FBXL17: variants seen among roughly 807,000 people sequenced by gnomAD.
FBXL17 encodes the protein F-box/LRR-repeat protein 17.
FBXL17 carries 22 observed loss-of-function variants against 66.2 expected under a neutral mutation model. That is an observed-to-expected ratio of 0.33 (90% CI 0.24 to 0.47). FBXL17 has a LOEUF of 0.47. Ranked by LOEUF, FBXL17 falls within the 20% of genes least tolerant of loss-of-function variation. The pLI is 1.00. For missense variants in FBXL17, 878 were observed against 948.2 expected, an observed-to-expected ratio of 0.93 and a Z score of 0.97; for synonymous variants, 474 against 400.5, an observed-to-expected ratio of 1.18 and a Z score of -2.19.
At chr5:108,193,920 T>C (rs775332435) in intron 5 of FBXL17, among the ~76,000 whole-genome samples, 8 of 152,148 alleles carry the variant, frequency 5.3e-5, no homozygotes, top group Non-Finnish European at 1.0e-4. Context: ...GACATTATTC[T>C]CCATTTTATT....
chr5:108,024,907 G>A (rs1199146091), intron 6 of FBXL17, among the ~76,000 whole-genome samples: 1 of 151,972 alleles, frequency 6.6e-6, no homozygotes, highest in East Asian at 1.9e-4. Context: ...TGTCTCCTTA[G>A]CAATAGATTC....
chr5:108,085,466 T>C (rs1748931959), intron 6 of FBXL17, among the ~76,000 whole-genome samples: 1 of 152,186 alleles, frequency 6.6e-6, no homozygotes, highest in African/African-American at 2.4e-5. Context: ...GCTCCAAGAA[T>C]AGATGGCTGA....
chr5:108,161,437 G>T (rs183616081), intron 6 of FBXL17, among the ~76,000 whole-genome samples: 44 of 152,308 alleles, frequency 2.9e-4, no homozygotes, highest in African/African-American at 1.0e-3. Flanking sequence ...AGCGAGCTGA[G>T]ATCGTGCCAC....
At chr5:108,017,929 C>A (rs576758744) in intron 7 of FBXL17, among the ~76,000 whole-genome samples, 1 of 152,186 alleles carries the variant, frequency 6.6e-6, no homozygotes, top group Non-Finnish European at 1.5e-5. Flanking sequence ...AACTCTGTAA[C>A]AGCCTGGCCA....
intron 7 of FBXL17, among the ~76,000 whole-genome samples, chr5:107,911,192 T>C (rs1030343966): frequency 2.0e-5 from 3 of 152,094 alleles, no homozygotes; most frequent in African/African-American, 7.2e-5. Context: ...GATGTCAAAA[T>C]AGACAACTAG....
intron 4 of FBXL17, among the ~76,000 whole-genome samples, chr5:108,237,578 G>C (rs1028093306): frequency 1.3e-5 from 2 of 152,150 alleles, no homozygotes; most frequent in Admixed American, 1.3e-4. Context: ...ATATCCCCTT[G>C]AGTTCCAACA....
At chr5:108,188,959 G>A (rs375667536) in intron 5 of FBXL17, among the ~76,000 whole-genome samples, 35 of 152,250 alleles carry the variant, frequency 2.3e-4, no homozygotes, top group African/African-American at 5.8e-4. Flanking sequence ...GGAACAAAGG[G>A]CTGATATGAA....
intron 7 of FBXL17, among the ~76,000 whole-genome samples, chr5:107,943,392 G>C (rs1946610): frequency 0.88 from 133,982 of 152,106 alleles, 59,389 homozygotes; most frequent in African/African-American, 0.93. Context: ...TTGAAGCCAT[G>C]ACCATCCACC....
chr5:108,257,919 A>T (rs1756644793), intron 4 of FBXL17, among the ~76,000 whole-genome samples: 2 of 152,162 alleles, frequency 1.3e-5, no homozygotes, highest in Admixed American at 1.3e-4. Flanking sequence ...TTATGTTTGC[A>T]TCAACCTGCA....
intron 6 of FBXL17, among the ~76,000 whole-genome samples, chr5:108,038,554 G>A (rs111943428): frequency 1.1e-3 from 174 of 152,026 alleles, no homozygotes; most frequent in African/African-American, 4.0e-3. Flanking sequence ...TCATTATCTT[G>A]TGGATTTAAC....
chr5:107,959,457 C>T (rs1751810011), intron 7 of FBXL17, among the ~76,000 whole-genome samples: 1 of 149,902 alleles, frequency 6.7e-6, no homozygotes, highest in Admixed American at 6.7e-5. Flanking sequence ...TATTTCTGTA[C>T]ATATGTTGTG....
chr5:108,381,134 C>A lies in FBXL17; in HGVS notation c.558G>T (p.Pro186=), dbSNP rs1181956471. 7.3e-7 allele frequency: 1 copy of A among 1,378,582 alleles called. No homozygotes were observed. The highest frequency in any genetic ancestry group is 3.1e-5 in the East Asian group (1 of 32,548). 85.4% of individuals were successfully genotyped at this position (1,378,582 alleles called of 1,614,324 possible). A position where few individuals can be genotyped will look rare whatever the true frequency, so the allele number is the denominator to read the frequency against. The stretch of plus-strand genomic sequence containing the variant: ...TTTCGGGGGGCGTAGGGAGCTCGGC[C>A]GGTGACGGTGTCGGCCCCCGGAAGA... ...VQLFRGPTPS[P]AELPTPPEMV... The change falls in exon 1 of 9, where the codon CCG becomes CCT. Residue 186 remains proline, a synonymous_variant. Transcript: ENST00000542267.
chr5:108,207,805 T>C (rs896066037), intron 5 of FBXL17, among the ~76,000 whole-genome samples: 2 of 152,316 alleles, frequency 1.3e-5, no homozygotes, highest in South Asian at 2.1e-4. Context: ...GTCTTTATAG[T>C]AGAATGATTT....
At chr5:108,207,131 A>G (rs1754154687) in intron 5 of FBXL17, among the ~76,000 whole-genome samples, 1 of 152,136 alleles carries the variant, frequency 6.6e-6, no homozygotes, top group African/African-American at 2.4e-5. Flanking sequence ...AAGTGATGTG[A>G]ATGTGGTCTC....
At chr5:107,949,453 A>C (rs547765686) in intron 7 of FBXL17, among the ~76,000 whole-genome samples, 7 of 152,338 alleles carry the variant, frequency 4.6e-5, no homozygotes. Flanking sequence ...AAATATTTGA[A>C]AAATCTTTTT....
At chr5:107,924,496 AG>A (rs923589901) in intron 7 of FBXL17, among the ~76,000 whole-genome samples, 1 of 152,230 alleles carries the variant, frequency 6.6e-6, no homozygotes, top group African/African-American at 2.4e-5. Flanking sequence ...ATTCAGAATA[AG>A]ATGGGTTAAA....
At chr5:107,937,248 G>A (rs1158091940) in intron 7 of FBXL17, among the ~76,000 whole-genome samples, 2 of 152,146 alleles carry the variant, frequency 1.3e-5, no homozygotes, top group Admixed American at 6.6e-5. Flanking sequence ...TAAACAGGGT[G>A]AGATGCTCAG....
chr5:108,137,941 T>C (rs1751206053), intron 6 of FBXL17, among the ~76,000 whole-genome samples: 1 of 152,202 alleles, frequency 6.6e-6, no homozygotes, highest in Admixed American at 6.5e-5. Flanking sequence ...TCAAGAGCTA[T>C]TAAAACTATT....
chr5:108,107,583 C>A (rs1172441116), intron 6 of FBXL17, among the ~76,000 whole-genome samples: 4 of 151,822 alleles, frequency 2.6e-5, no homozygotes, highest in Non-Finnish European at 5.9e-5. Flanking sequence ...GAGGCCAAGG[C>A]GGGCAGATCA....
Sources: gnomAD v4.1 joint callset for allele counts (sites outside exome capture counted in the v4.1 genomes callset) on GRCh38, gnomAD v4.1.1 for gene constraint, MANE v1.5 for transcripts, NCBI Gene and HGNC (gene_info 2026-07-23, HGNC 2026-07-21) for gene names.